PRKN: variants seen among roughly 807,000 people sequenced by gnomAD.
PRKN encodes the protein E3 ubiquitin-protein ligase parkin.
In PRKN, 56 loss-of-function variants were observed where a neutral mutation model predicts 59.5. That is an observed-to-expected ratio of 0.94 (90% CI 0.76 to 1.18). The LOEUF is 1.18. PRKN is among the 50% of genes most tolerant of loss of function. The pLI is 0.00. For synonymous variants in PRKN, 250 were observed against 222.1 expected (o/e 1.13, Z -1.12); for missense variants, 657 against 596.4 (o/e 1.10, Z -1.06).
At chr6:162,068,051 A>G (rs1327331893) in intron 4 of PRKN, among the ~76,000 whole-genome samples, 1 of 152,180 alleles carries the variant, frequency 6.6e-6, no homozygotes, top group African/African-American at 2.4e-5. Context: ...ACATTTTCCT[A>G]TCTGGTGGGT....
chr6:161,763,922 T>C (rs2128199615), intron 7 of PRKN, among the ~76,000 whole-genome samples: 1 of 152,248 alleles, frequency 6.6e-6, no homozygotes, highest in Middle Eastern at 3.4e-3. Flanking sequence ...CTCTTGCCCC[T>C]TTGCAACCAT....
intron 1 of PRKN, among the ~76,000 whole-genome samples, chr6:162,480,091 T>C (rs558720246): frequency 7.6e-4 from 116 of 152,154 alleles, no homozygotes; most frequent in South Asian, 1.2e-3. Flanking sequence ...GTATAAGTTC[T>C]ATAAAATAAC....
In PRKN at chr6:161,588,182, G is replaced by A. The variant is rs62436788; in HGVS notation, c.872-18766C>T. Among the ~76,000 whole-genome samples, 14 of 152,012 alleles carry A rather than the reference G, an allele frequency of 9.2e-5. No individual in the cohort carries two copies. Among genetic ancestry groups the A allele is most frequent in the Non-Finnish European group, 1.5e-4 (10 of 67,998 alleles). On this transcript the variant is annotated intron_variant, in intron 7 of 11. Transcript: ENST00000366898. The surrounding 1 kb of genome is among the most constrained non-coding windows in gnomAD (Gnocchi z 5.0). ...GGGTGGATCACAAGGTCAGGAGTTC[G>A]AGACCAGCCTGGCTAACATGGCAAA...
intron 11 of PRKN, among the ~76,000 whole-genome samples, chr6:161,351,695 G>T (rs1784560156): frequency 6.6e-6 from 1 of 152,172 alleles, no homozygotes; most frequent in Non-Finnish European, 1.5e-5. Context: ...GAGAGGGATA[G>T]AAAGGAAGTA....
intron 5 of PRKN, among the ~76,000 whole-genome samples, 181 bp from the exon 6 acceptor site, chr6:161,973,598 C>A (rs1288661103): frequency 6.6e-6 from 1 of 152,142 alleles, no homozygotes; most frequent in African/African-American, 2.4e-5. Context: ...AAGTGGTCAA[C>A]AATTCTGTTT....
At chr6:162,338,628 T>G (rs1260994860) in intron 2 of PRKN, among the ~76,000 whole-genome samples, 1 of 152,036 alleles carries the variant, frequency 6.6e-6, no homozygotes, top group Non-Finnish European at 1.5e-5. Context: ...GCCGCCTGCC[T>G]TGGCCTCCCA....
chr6:161,524,171 G>A (rs1778937497), intron 9 of PRKN, among the ~76,000 whole-genome samples: 1 of 152,030 alleles, frequency 6.6e-6, no homozygotes, highest in African/African-American at 2.4e-5. Flanking sequence ...AAGGATGTTG[G>A]AATTATTTTA....
intron 7 of PRKN, among the ~76,000 whole-genome samples, chr6:161,702,722 A>G (rs1425308968): frequency 2.6e-5 from 4 of 152,208 alleles, no homozygotes; most frequent in Non-Finnish European, 5.9e-5. Flanking sequence ...TTTTACCACA[A>G]TAAAACAATA....
intron 9 of PRKN, among the ~76,000 whole-genome samples, chr6:161,500,879 T>TC (rs1308770873): frequency 2.0e-5 from 3 of 146,790 alleles, no homozygotes; most frequent in Admixed American, 6.8e-5. Flanking sequence ...TTTTTTTCTT[T>TC]TTTTTTTTTT....
intron 3 of PRKN, among the ~76,000 whole-genome samples, chr6:162,211,140 A>T (rs981198843): frequency 6.6e-6 from 1 of 152,130 alleles, no homozygotes; most frequent in Admixed American, 6.6e-5. Context: ...GGTGGACTTT[A>T]CAAAATACTG....
chr6:162,187,538 C>T (rs1036173962), intron 4 of PRKN, among the ~76,000 whole-genome samples: 2 of 152,124 alleles, frequency 1.3e-5, no homozygotes, highest in Non-Finnish European at 2.9e-5. Context: ...ATATACACCA[C>T]CCCTCCAGCA....
intron 7 of PRKN, among the ~76,000 whole-genome samples, chr6:161,624,872 C>A (rs983723008): frequency 2.0e-5 from 3 of 152,190 alleles, no homozygotes; most frequent in Non-Finnish European, 1.5e-5. Flanking sequence ...GAGAAGAAAG[C>A]TGGAAGATAC....
chr6:162,408,126 C>G (rs1471274123), intron 2 of PRKN, among the ~76,000 whole-genome samples: 1 of 152,016 alleles, frequency 6.6e-6, no homozygotes, highest in East Asian at 1.9e-4. Context: ...CCAGTTTTGT[C>G]ATCCTGCTGA....
At chr6:161,856,088 G>A (rs559351718) in intron 6 of PRKN, among the ~76,000 whole-genome samples, 11 of 152,234 alleles carry the variant, frequency 7.2e-5, no homozygotes, top group East Asian at 5.8e-4. Context: ...TGCTAGGTGC[G>A]GTGGCTCACG....
chr6:162,664,122 CT>C (rs778761151), intron 1 of PRKN, among the ~76,000 whole-genome samples: 1 of 152,116 alleles, frequency 6.6e-6, no homozygotes, highest in Non-Finnish European at 1.5e-5. Context: ...CAACTCCCAC[CT>C]ATGAGTGGGA....
At chr6:161,957,154 C>G (rs1780199722) in intron 6 of PRKN, among the ~76,000 whole-genome samples, 1 of 152,148 alleles carries the variant, frequency 6.6e-6, no homozygotes. Flanking sequence ...TGAGAGGGAG[C>G]AGCAATTCCA....
intron 1 of PRKN, among the ~76,000 whole-genome samples, chr6:162,613,202 C>A (rs1331424933): frequency 6.6e-6 from 1 of 152,102 alleles, no homozygotes; most frequent in Non-Finnish European, 1.5e-5. Context: ...CAAGGTTCAG[C>A]CATGATGATA....
chr6:161,908,023 A>G (rs988877920), intron 6 of PRKN, among the ~76,000 whole-genome samples: 2 of 152,156 alleles, frequency 1.3e-5, no homozygotes, highest in Non-Finnish European at 2.9e-5. Context: ...GGTTGCCGTG[A>G]GTCAAGATCA....
chr6:162,012,970 T>A (rs769617679), intron 5 of PRKN, among the ~76,000 whole-genome samples: 6 of 152,180 alleles, frequency 3.9e-5, no homozygotes, highest in Non-Finnish European at 8.8e-5. Context: ...TTATGTTGAA[T>A]AAGTGTTTTC....
Sources: allele counts gnomAD v4.1 joint callset (sites outside exome capture counted in the v4.1 genomes callset), GRCh38; gene constraint gnomAD v4.1.1; non-coding constraint Gnocchi (gnomAD v3.1); transcripts MANE v1.5; gene names NCBI Gene and HGNC (gene_info 2026-07-23, HGNC 2026-07-21).